Variants in SLC35A2 observed in about 807,000 individuals in gnomAD.
The protein encoded by SLC35A2 is UDP-galactose translocator.
A neutral mutation model predicts 17.3 loss-of-function variants in SLC35A2; 1 was observed. The observed-to-expected ratio is 0.06, with a 90% CI of 0.02 to 0.27. The LOEUF (loss-of-function observed/expected upper bound fraction) is 0.27. Ranked by LOEUF, SLC35A2 falls within the 10% of genes least tolerant of loss-of-function variation. The probability of loss-of-function intolerance (pLI) is 1.00; values close to 1 mark genes in which losing one functional copy is unlikely to be tolerated. For synonymous variants in SLC35A2, 161 were observed against 161.3 expected, an observed-to-expected ratio of 1.00 and a Z score of 0.01; for missense variants, 191 against 339.3, an observed-to-expected ratio of 0.56 and a Z score of 3.43.
At chrX:48,904,601 G>A (rs2063471520) in intron 4 of SLC35A2, 145 bp downstream of exon 4, 1 of 1,201,442 alleles carries the variant, frequency 8.3e-7, no homozygotes, top group Non-Finnish European at 1.1e-6. Flanking sequence ...CAGTGACCTG[G>A]GAGAAAAGAC....
intron 2 of SLC35A2, among the ~76,000 whole-genome samples, chrX:48,909,294 G>A (rs1028820888): frequency 1.8e-5 from 2 of 112,420 alleles, no homozygotes; most frequent in Non-Finnish European, 3.8e-5. Flanking sequence ...GTGGTGGCAC[G>A]TGCCTGTAAT....
chrX:48,905,561 G>A (rs782414798), intron 3 of SLC35A2, 79 bp from the exon 4 acceptor site: 19 of 947,354 alleles, frequency 2.0e-5, no homozygotes, highest in African/African-American at 5.8e-5. Flanking sequence ...ACCCACTGTG[G>A]GCCCCCAGGC....
rs56243326 is a variant in SLC35A2, at chrX:48,904,698, CCCTT to C, written c.1163+44_1163+47del. The C allele has an allele frequency of 4.3e-5, 52 of 1,209,307 alleles. No individual in the cohort carries two copies. In the East Asian group the frequency reaches 1.4e-3, roughly 32 times the overall value. The stretch of plus-strand genomic sequence containing the variant: ...CAACACCCTCCACCCCAGTCCCCCT[CCCTT>C]GTGTCCCCCCATTGCTGCCAGCCCT... On this transcript the variant is annotated intron_variant, in intron 4 of 4. Coordinates refer to ENST00000247138, the MANE Select transcript of SLC35A2 (RefSeq NM_005660.3).
At chrX:48,911,498 G>C (rs2063533820) in intron 1 of SLC35A2, 48 bp downstream of exon 1, 3 of 1,154,430 alleles carry the variant, frequency 2.6e-6, no homozygotes, top group Non-Finnish European at 3.4e-6. Context: ...GACTCCCAGC[G>C]ATCCCGACCT....
chrX:48,907,046 G>A (rs1557043209), intron 2 of SLC35A2, among the ~76,000 whole-genome samples: 2 of 108,591 alleles, frequency 1.8e-5, no homozygotes, highest in East Asian at 3.0e-4. Context: ...GCAAGCGACT[G>A]TAATCCCAGC....
intron 2 of SLC35A2, among the ~76,000 whole-genome samples, chrX:48,909,066 C>A (rs2063512389): frequency 8.9e-6 from 1 of 112,211 alleles, no homozygotes; most frequent in Non-Finnish European, 1.9e-5. Context: ...AAACAAATGA[C>A]CTGTTTTCTC....
chrX:48,910,029 C>G (rs369232440), intron 1 of SLC35A2, 33 bp from the exon 2 acceptor site: 1 of 1,154,638 alleles, frequency 8.7e-7, no homozygotes, highest in Admixed American at 2.3e-5. Flanking sequence ...GGGGGAAGGA[C>G]GGGGTCAGAA....
Position 48,903,369 on chromosome X carries a change from G to A in SLC35A2, c.*69C>T, listed in dbSNP as rs781906586. 1.4e-5 allele frequency: 8 copies of A among 578,820 alleles called. No homozygotes were observed. Among genetic ancestry groups the A allele is most frequent in the Non-Finnish European group, 2.5e-5 (8 of 320,946 alleles). The allele number at this position is 578,820 out of a possible 1,213,427, so 47.7% of individuals were successfully genotyped here. On this transcript the variant is annotated 3_prime_UTR_variant, in exon 5 of 5. Coordinates refer to ENST00000247138, the MANE Select transcript of SLC35A2 (RefSeq NM_005660.3). ...CACTCTACCCCTAATACTGATCAGA[G>A]TTTGGTCCCAGCTGGGCCAAGGGCA... is the stretch of plus-strand genomic sequence containing the variant.
intron 1 of SLC35A2, 65 bp downstream of exon 1, chrX:48,911,481 C>T (rs1206452426): frequency 8.8e-7 from 1 of 1,139,455 alleles, no homozygotes; most frequent in African/African-American, 1.8e-5. Flanking sequence ...TAGTGAGGAA[C>T]ATTCCCGACT....
rs1557042011 is a variant in SLC35A2, at chrX:48,903,192, A to G, written c.*246T>C. On this transcript the variant is annotated 3_prime_UTR_variant, in exon 5 of 5. Coordinates refer to ENST00000247138, the MANE Select transcript of SLC35A2 (RefSeq NM_005660.3). ...TGCCCAACCCAAGTCGGCAAGATAC[A>G]CAACACATTTTATTTGCAAAAACTC... 10 of 1,130,767 alleles carry G rather than the reference A, an allele frequency of 8.8e-6. No individual in the cohort carries two copies. Among genetic ancestry groups the G allele is most frequent in the Non-Finnish European group, 3.6e-6 (3 of 841,393 alleles). 93.2% of individuals were successfully genotyped at this position (1,130,767 alleles called of 1,213,427 possible).
intron 2 of SLC35A2, among the ~76,000 whole-genome samples, chrX:48,908,368 G>A (rs782591022): frequency 6.3e-5 from 7 of 110,649 alleles, no homozygotes; most frequent in East Asian, 2.8e-4. Context: ...CCTGCCTCTC[G>A]GCCTCCCAAA....
chrX:48,906,209 C>T (rs1557043066), intron 3 of SLC35A2, 183 bp downstream of exon 3: 2 of 473,451 alleles, frequency 4.2e-6, no homozygotes, highest in Non-Finnish European at 7.6e-6. Flanking sequence ...TCTCAGTGAA[C>T]AGGCATTACT....
At chrX:48,911,929 C>G (rs977836557), upstream of SLC35A2, 27 of 1,166,140 alleles carry the variant, frequency 2.3e-5, no homozygotes, top group Admixed American at 3.6e-4. Context: ...GTCCGCTTCA[C>G]TGATCGCGCT....
Position 48,903,321 on chromosome X carries a change from G to A in SLC35A2, c.*117C>T. On this transcript the variant is annotated 3_prime_UTR_variant, in exon 5 of 5. Transcript: ENST00000247138. ...CCCTGGGTGGGGCAGGGGTGGTGGG[G>A]ACAGGGAGTCCAGTGTCTACCTCAC... 1 of 595,373 alleles carries A rather than the reference G, an allele frequency of 1.7e-6. No homozygotes were observed. Among genetic ancestry groups the A allele is most frequent in the Admixed American group, 2.6e-5 (1 of 39,137 alleles). The allele number at this position is 595,373 out of a possible 1,213,427, so 49.1% of individuals were successfully genotyped here. A position where few individuals can be genotyped will look rare whatever the true frequency, so the allele number is the denominator to read the frequency against.
chrX:48,904,630 G>A, intron 4 of SLC35A2, 116 bp downstream of exon 4: 2 of 1,207,211 alleles, frequency 1.7e-6, no homozygotes, highest in Non-Finnish European at 2.2e-6. Context: ...AAACCCAGAG[G>A]AGCCAGGCCC....
At chrX:48,906,316 C>T in intron 3 of SLC35A2, 76 bp downstream of exon 3, 1 of 977,087 alleles carries the variant, frequency 1.0e-6, no homozygotes, top group Non-Finnish European at 1.4e-6. Context: ...TGCAACACCC[C>T]CCCACCACGC....
intron 2 of SLC35A2, among the ~76,000 whole-genome samples, chrX:48,908,909 A>G (rs984501220): frequency 8.9e-6 from 1 of 112,561 alleles, no homozygotes; most frequent in African/African-American, 3.2e-5. Context: ...ACTTCAAAGT[A>G]GAAGGCCTTC....
chrX:48,910,697 C>A (rs1444351091), intron 1 of SLC35A2, among the ~76,000 whole-genome samples: 1 of 110,715 alleles, frequency 9.0e-6, no homozygotes, highest in Non-Finnish European at 1.9e-5. Context: ...TCTCTCCAAC[C>A]CCTCACTCCT....
chrX:48,911,763 C>A (rs782503211), upstream of SLC35A2: 6 of 1,162,904 alleles, frequency 5.2e-6, no homozygotes, highest in East Asian at 1.6e-4. Context: ...TGGCTTTTCT[C>A]CTCCGCTCCT....
Sources: allele counts gnomAD v4.1 joint callset (sites outside exome capture counted in the v4.1 genomes callset), GRCh38; gene constraint gnomAD v4.1.1; transcripts MANE v1.5; gene names NCBI Gene and HGNC (gene_info 2026-07-23, HGNC 2026-07-21).